The following TMEM109 variants were observed in gnomAD, a reference collection of about 807,000 sequenced individuals.
TMEM109 encodes voltage-gated monoatomic cation channel TMEM109.
TMEM109 carries 19 observed loss-of-function variants against 26.4 expected under a neutral mutation model. The ratio of observed to expected loss-of-function variants is 0.72; its 90% CI spans 0.50 to 1.06. The LOEUF is 1.06. TMEM109 is among the 50% of genes least tolerant of loss of function. TMEM109 has a pLI of 0.00. For synonymous variants in TMEM109, 129 were observed against 142.0 expected, an observed-to-expected ratio of 0.91 and a Z score of 0.65; for missense variants, 262 against 303.4, an observed-to-expected ratio of 0.86 and a Z score of 1.01.
chr11:60,915,275 C>T (rs753001843), intron 1 of TMEM109, among the ~76,000 whole-genome samples: 1 of 152,246 alleles, frequency 6.6e-6, no homozygotes, highest in Non-Finnish European at 1.5e-5. Context: ...CAACTCTTCA[C>T]CTGGGTTCAC....
intron 1 of TMEM109, among the ~76,000 whole-genome samples, chr11:60,917,967 TG>T (rs1322795936): frequency 2.0e-5 from 3 of 152,332 alleles, no homozygotes; most frequent in Non-Finnish European, 4.4e-5. Flanking sequence ...CTGGCCTGTA[TG>T]ACTTTCTAAA....
chr11:60,923,011 G>A lies in TMEM109; in HGVS notation c.*846G>A, dbSNP rs1856268520. ...GCCCTGTGGGGGTTTCAGAGACCCT[G>A]AAAGAGGAGGGAGGACCCGCCTCCT... On this transcript the variant is annotated 3_prime_UTR_variant, in exon 4 of 4. Transcript: ENST00000227525. 1 of 152,528 alleles carries A rather than the reference G, an allele frequency of 6.6e-6. No individual in the cohort carries two copies. The highest frequency in any genetic ancestry group is 2.4e-5 in the African/African-American group (1 of 41,470). 9.4% of individuals were successfully genotyped at this position (152,528 alleles called of 1,614,324 possible). A position where few individuals can be genotyped will look rare whatever the true frequency, so the allele number is the denominator to read the frequency against.
intron 1 of TMEM109, among the ~76,000 whole-genome samples, chr11:60,917,171 T>C (rs1313449083): frequency 6.6e-6 from 1 of 152,160 alleles, no homozygotes; most frequent in Non-Finnish European, 1.5e-5. Context: ...AAATGTAGTA[T>C]TTTTAGAACC....
rs1246674261 is a variant in TMEM109, at chr11:60,922,159, G to A, written c.726G>A (p.Glu242=). ...CCAAGGGGGCCCGCAGTGTGGAGGA[G>A]GAGTGAGCCGGATGCCCCACACACC... ...RAAKGARSVE[E]E is the part of the protein sequence containing the mutation. The change falls in exon 4 of 4, where the codon GAG becomes GAA. Residue 242 remains glutamate (E), a synonymous_variant. Coordinates refer to ENST00000227525, the MANE Select transcript of TMEM109 (RefSeq NM_024092.3). 1.9e-6 allele frequency: 3 copies of A among 1,583,332 alleles called. No homozygotes were observed. The highest frequency in any genetic ancestry group is 2.6e-6 in the Non-Finnish European group (3 of 1,164,712).
chr11:60,922,288 C>G lies in TMEM109; in HGVS notation c.*123C>G, dbSNP rs560676157. The G allele has an allele frequency of 2.1e-5, 32 of 1,542,510 alleles. No individual in the cohort carries two copies. The African/African-American group carries it at 4.2e-4, about 20-fold the overall frequency. On this transcript the variant is annotated 3_prime_UTR_variant, in exon 4 of 4. Coordinates refer to ENST00000227525, the MANE Select transcript of TMEM109 (RefSeq NM_024092.3). Reference sequence around the variant, plus strand: ...GTCTCTGAACCTTCAGAACATTGATCCTTGCCGCAGCCCCACTAGCCAAGA... The same window carrying G: ...GTCTCTGAACCTTCAGAACATTGATGCTTGCCGCAGCCCCACTAGCCAAGA...
intron 1 of TMEM109, chr11:60,918,361 T>C (rs1408305035): frequency 6.6e-6 from 1 of 152,170 alleles, no homozygotes; most frequent in East Asian, 1.9e-4. Flanking sequence ...TCTAAGGGCA[T>C]GGCGCTGGCA....
intron 1 of TMEM109, chr11:60,918,987 T>C (rs1856203119): frequency 6.5e-6 from 1 of 152,874 alleles, no homozygotes; most frequent in Non-Finnish European, 1.5e-5. Context: ...ACCCACAGTA[T>C]AACTTGACTC....
intron 1 of TMEM109, among the ~76,000 whole-genome samples, chr11:60,915,514 CTGAG>C (rs1487627299): frequency 1.3e-5 from 2 of 152,254 alleles, no homozygotes; most frequent in African/African-American, 4.8e-5. Context: ...CTGGAAGAGT[CTGAG>C]TGAGTAGCCC....
chr11:60,919,690 A>G lies in TMEM109; in HGVS notation c.-4A>G. On this transcript the variant is annotated 5_prime_UTR_variant, in exon 2 of 4. Transcript: ENST00000227525. Reference sequence around the variant, plus strand: ...ACTGTGCTTCTCTCCTGGCAGACCCAGTCATGGCAGCCTCCAGCATCAGTT... The same window carrying G: ...ACTGTGCTTCTCTCCTGGCAGACCCGGTCATGGCAGCCTCCAGCATCAGTT... The G allele has an allele frequency of 1.2e-6, 2 of 1,613,968 alleles. No homozygotes were observed. Among genetic ancestry groups the G allele is most frequent in the Non-Finnish European group, 1.7e-6 (2 of 1,179,812 alleles).
intron 2 of TMEM109, 63 bp from the exon 3 acceptor site, chr11:60,920,823 C>T: frequency 7.3e-7 from 1 of 1,363,600 alleles, no homozygotes. Flanking sequence ...CAGTGGTGAT[C>T]AGGCGTGAAG....
rs1856274338 is a variant in TMEM109 at position 60,923,384 on chromosome 11, T to A, written c.*1219T>A. The A allele has an allele frequency of 6.6e-6, 1 of 152,668 alleles. No homozygotes were observed. Among genetic ancestry groups the A allele is most frequent in the South Asian group, 2.1e-4 (1 of 4,836 alleles). 9.5% of individuals were successfully genotyped at this position (152,668 alleles called of 1,614,324 possible). ...ATATTTTTTATCAGTGCTTGGTTGG[T>A]TTTAAATAAAGTGCACGCTATTTTA... On this transcript the variant is annotated 3_prime_UTR_variant, in exon 4 of 4. Coordinates refer to ENST00000227525, the MANE Select transcript of TMEM109 (RefSeq NM_024092.3).
chr11:60,920,036 G>C, intron 2 of TMEM109, 106 bp downstream of exon 2: 2 of 948,844 alleles, frequency 2.1e-6, no homozygotes, highest in South Asian at 1.4e-5. Context: ...CTGGTGCAGA[G>C]AGCCCCAAAT....
At chr11:60,920,141 G>T (rs560891710) in intron 2 of TMEM109, among the ~76,000 whole-genome samples, 2 of 152,076 alleles carry the variant, frequency 1.3e-5, no homozygotes, top group Admixed American at 6.5e-5. Flanking sequence ...TCCTTTCCTG[G>T]CTCCTGCCCT....
chr11:60,922,533 C>T lies in TMEM109; in HGVS notation c.*368C>T. ...CTTCCCTCTGCTGCTGCCTTGGCTT[C>T]CTCCTAATGCTCGTGCTCTCCTGTC... On this transcript the variant is annotated 3_prime_UTR_variant, in exon 4 of 4. Transcript: ENST00000227525. 4.2e-6 allele frequency: 2 copies of T among 478,776 alleles called. No homozygotes were observed. The highest frequency in any genetic ancestry group is 3.9e-5 in the South Asian group (2 of 51,338). The allele number at this position is 478,776 out of a possible 1,614,324, so 29.7% of individuals were successfully genotyped here.
chr11:60,915,566 G>A (rs1047424078), intron 1 of TMEM109, among the ~76,000 whole-genome samples: 3 of 152,232 alleles, frequency 2.0e-5, no homozygotes, highest in Non-Finnish European at 4.4e-5. Flanking sequence ...AGGCTGCACA[G>A]GCAGTTCCGA....
rs368906004 is a variant in TMEM109, at chr11:60,921,881, G to A, written c.448G>A (p.Gly150Ser). Residue 150 changes from glycine (G) to serine (S), a missense_variant, in exon 4 of 4, where the codon GGC (glycine) becomes AGC (serine). Gly to Ser is a moderately conservative substitution (Grantham distance 56). Coordinates refer to ENST00000227525, the MANE Select transcript of TMEM109 (RefSeq NM_024092.3). ...VVYWLLSLLL[G>S]LVLALLGRIL... ...CTACTGGCTGCTGTCTCTGCTCCTC[G>A]GCTTGGTCTTGGCCTTGCTGGGGCG... 2.8e-5 allele frequency: 45 copies of A among 1,614,018 alleles called. No individual in the cohort carries two copies. In the Admixed American group the frequency reaches 4.2e-4, roughly 15 times the overall value.
chr11:60,922,381 G>A lies in TMEM109; in HGVS notation c.*216G>A. The A allele has an allele frequency of 6.5e-7, 1 of 1,529,282 alleles. No individual in the cohort carries two copies. 94.7% of individuals were successfully genotyped at this position (1,529,282 alleles called of 1,614,324 possible). On this transcript the variant is annotated 3_prime_UTR_variant, in exon 4 of 4. Transcript: ENST00000227525. The stretch of plus-strand genomic sequence containing the variant: ...TGTCTTCTGAGGTTCTCTGTCTGGG[G>A]TTGGCTCTCTTAACCCTTTCTCTGC...
At chr11:60,916,467 T>G (rs1352744257) in intron 1 of TMEM109, among the ~76,000 whole-genome samples, 1 of 152,212 alleles carries the variant, frequency 6.6e-6, no homozygotes, top group African/African-American at 2.4e-5. Flanking sequence ...AGGCTGAGAC[T>G]GTTTCCATGC....
intron 3 of TMEM109, 78 bp from the exon 4 acceptor site, chr11:60,921,696 C>T: frequency 8.9e-7 from 1 of 1,125,152 alleles, no homozygotes; most frequent in Admixed American, 2.0e-5. Context: ...TAGCACCTCC[C>T]ACCCTTTTAG....
Sources: gnomAD v4.1 joint callset for allele counts (sites outside exome capture counted in the v4.1 genomes callset) on GRCh38, gnomAD v4.1.1 for gene constraint, MANE v1.5 for transcripts, NCBI Gene and HGNC (gene_info 2026-07-23, HGNC 2026-07-21) for gene names.